Variants in ZNF43 observed in about 807,000 individuals in gnomAD.
ZNF43 encodes zinc finger protein 39-like 1 (KOX 27).
Under a neutral mutation model 68.4 loss-of-function variants are expected in ZNF43, and 44 were observed. The observed-to-expected ratio is 0.64, with a 90% CI of 0.51 to 0.83. ZNF43 has a LOEUF of 0.83. Among genes scored for constraint, ZNF43 ranks in the 40% least tolerant of loss-of-function variants. The probability of loss-of-function intolerance (pLI) is 0.00; values close to 1 mark genes in which losing one functional copy is unlikely to be tolerated. For missense variants in ZNF43, 896 were observed against 933.2 expected (o/e 0.96, Z 0.52); for synonymous variants, 308 against 307.8 (o/e 1.00, Z -0.01).
intron 3 of ZNF43, among the ~76,000 whole-genome samples, chr19:21,810,718 TAGG>T (rs2037232397): frequency 6.6e-6 from 1 of 152,108 alleles, no homozygotes; most frequent in African/African-American, 2.4e-5. Context: ...GAAACAAAAG[TAGG>T]AGGATCACTT....
rs574923782 is a variant in ZNF43, at chr19:21,808,774, A to C, written c.1263T>G (p.Thr421=). The change falls in exon 4 of 4, where the codon ACT becomes ACG. Residue 421 remains threonine, a synonymous_variant. Coordinates refer to ENST00000354959, the MANE Select transcript of ZNF43 (RefSeq NM_003423.4). ...CTTCACATTTGTAGGGTTTCTCTCC[A>C]GTATGAGTTAACTTATGTTCAGTAA... ...SKLTEHKLTH[T]GEKPYKCEEC... 6.2e-7 allele frequency: 1 copy of C among 1,612,208 alleles called. No individual in the cohort carries two copies. The highest frequency in any genetic ancestry group is 1.7e-5 in the Admixed American group (1 of 59,838).
In ZNF43 at chr19:21,845,877, G is replaced by C. The variant is rs573789765; in HGVS notation, c.30+6028C>G. ...CATTGCACTCCAGCCTGGGCAACAAGAGCGAAACTCTGTCTCAAAAAAAAA... is the reference window on the plus strand; with the variant it reads ...CATTGCACTCCAGCCTGGGCAACAACAGCGAAACTCTGTCTCAAAAAAAAA... On this transcript the variant is annotated intron_variant, in intron 1 of 3. Coordinates refer to the ZNF43 transcript ENST00000357491. 2.7e-5 allele frequency among the ~76,000 whole-genome samples: 4 copies of C among 146,866 alleles called. No individual in the cohort carries two copies. The East Asian group carries it at 6.1e-4, about 22-fold the overall frequency.
chr19:21,811,513 C>A (rs1400424064), intron 3 of ZNF43, among the ~76,000 whole-genome samples: 2 of 140,782 alleles, frequency 1.4e-5, no homozygotes, highest in African/African-American at 5.3e-5. Flanking sequence ...CCAGCCTGGG[C>A]AACAGAGCGA....
At chr19:21,830,847 T>A (rs1274043599) in intron 1 of ZNF43, among the ~76,000 whole-genome samples, 1 of 151,822 alleles carries the variant, frequency 6.6e-6, no homozygotes, top group African/African-American at 2.4e-5. Context: ...GATGGAAAAA[T>A]TCTCAACAAA....
chr19:21,834,183 C>G (rs895273031), intron 1 of ZNF43, among the ~76,000 whole-genome samples: 2 of 151,306 alleles, frequency 1.3e-5, no homozygotes, highest in Non-Finnish European at 2.9e-5. Context: ...AACAAAAATA[C>G]AAAAATTAGC....
chr19:21,819,439 C>T (rs2037692745), intron 1 of ZNF43, among the ~76,000 whole-genome samples: 1 of 152,174 alleles, frequency 6.6e-6, no homozygotes, highest in East Asian at 1.9e-4. Flanking sequence ...AGATCCACAA[C>T]ATCAGTGTAT....
intron 3 of ZNF43, among the ~76,000 whole-genome samples, chr19:21,811,200 T>G (rs529247724): frequency 2.0e-5 from 3 of 152,278 alleles, no homozygotes; most frequent in East Asian, 3.9e-4. Flanking sequence ...GTACAATTTT[T>G]CACAGAAATA....
chr19:21,822,249 C>T (rs1002609683), intron 1 of ZNF43, among the ~76,000 whole-genome samples: 1 of 152,280 alleles, frequency 6.6e-6, no homozygotes, highest in Non-Finnish European at 1.5e-5. Context: ...CCTGTCCCTA[C>T]CAAACCCAAA....
intron 1 of ZNF43, chr19:21,849,780 G>T (rs1224421610): frequency 6.6e-6 from 1 of 151,922 alleles, no homozygotes; most frequent in Non-Finnish European, 1.5e-5. Context: ...ATTTGTACAA[G>T]AAAGAGACCC....
intron 1 of ZNF43, among the ~76,000 whole-genome samples, chr19:21,851,539 C>CA (rs759516277): frequency 0.15 from 9,701 of 63,652 alleles, 547 homozygotes; most frequent in East Asian, 0.19. Context: ...GATTCCCTCT[C>CA]AAAAAAAAAA....
upstream of ZNF43, chr19:21,840,916 C>A (rs1335837084): frequency 6.6e-6 from 1 of 152,178 alleles, no homozygotes; most frequent in Non-Finnish European, 1.5e-5. Flanking sequence ...TGCCTATGAG[C>A]TAGGTTTAGA....
Position 21,822,998 on chromosome 19 carries a change from G to T in ZNF43, c.4-3777C>A, listed in dbSNP as rs141827350. On this transcript the variant is annotated intron_variant, in intron 1 of 3. Coordinates refer to ENST00000354959, the MANE Select transcript of ZNF43 (RefSeq NM_003423.4). ...ACAAATCCCTTAAGGTTTTCTAGGA[G>T]AATTTATTATTGTAAGATAAATATG... Among the ~76,000 whole-genome samples, 692 of 152,174 alleles carry T rather than the reference G, an allele frequency of 4.5e-3. 4 individuals carry two copies. The highest frequency in any genetic ancestry group is 0.016 in the African/African-American group (661 of 41,504).
chr19:21,834,783 AG>A (rs1403544431), intron 1 of ZNF43, among the ~76,000 whole-genome samples: 1 of 151,694 alleles, frequency 6.6e-6, no homozygotes, highest in African/African-American at 2.4e-5. Flanking sequence ...GAAGGAAGGA[AG>A]GAAGGAAGGA....
chr19:21,819,069 G>T (rs371240241), intron 2 of ZNF43, 26 bp downstream of exon 2: 644 of 1,597,936 alleles, frequency 4.0e-4, no homozygotes, highest in Non-Finnish European at 5.0e-4. Context: ...GGTATATTAG[G>T]AATTGAGTAT....
At chr19:21,840,333 G>A (rs986967371), upstream of ZNF43, 3 of 152,708 alleles carry the variant, frequency 2.0e-5, no homozygotes, top group African/African-American at 7.2e-5. Context: ...GCTGGGCAAA[G>A]GTGTATGTTA....
intron 1 of ZNF43, among the ~76,000 whole-genome samples, chr19:21,844,896 CAAAAAAAAAA>C (rs869257892): frequency 2.2e-4 from 8 of 35,778 alleles, no homozygotes; most frequent in Non-Finnish European, 2.7e-4. Flanking sequence ...GATTCCGTCT[CAAAAAAAAAA>C]AAAAAAAAAA....
chr19:21,836,005 C>G, intron 1 of ZNF43, 31 bp downstream of exon 1: 2 of 1,613,860 alleles, frequency 1.2e-6, no homozygotes, highest in South Asian at 1.1e-5. Flanking sequence ...AGCCCCTTCC[C>G]CCTCTCGGGA....
At chr19:21,820,864 T>C (rs1264063644) in intron 1 of ZNF43, among the ~76,000 whole-genome samples, 1 of 149,628 alleles carries the variant, frequency 6.7e-6, no homozygotes, top group African/African-American at 2.5e-5. Flanking sequence ...AGGTGAAGTT[T>C]CTCTTGTTGC....
At chr19:21,840,612 C>T (rs1440338725), upstream of ZNF43, 2 of 152,176 alleles carry the variant, frequency 1.3e-5, no homozygotes, top group African/African-American at 4.8e-5. Context: ...TTTCCAACCA[C>T]CTCCAGGTGT....
Sources: allele counts gnomAD v4.1 joint callset (sites outside exome capture counted in the v4.1 genomes callset), GRCh38; gene constraint gnomAD v4.1.1; transcripts MANE v1.5; gene names NCBI Gene and HGNC (gene_info 2026-07-23, HGNC 2026-07-21).